The following M1AP variants were observed in gnomAD, a reference collection of about 807,000 sequenced individuals.
M1AP encodes the protein meiosis 1 associated protein.
Under a neutral mutation model 51.2 loss-of-function variants are expected in M1AP, and 39 were observed. The ratio of observed to expected loss-of-function variants is 0.76; its 90% CI spans 0.59 to 1.00. The LOEUF is 1.00. Ranked by LOEUF, M1AP falls within the 50% of genes least tolerant of loss-of-function variation. M1AP has a pLI of 0.00. For missense variants in M1AP, 545 were observed against 641.2 expected, an observed-to-expected ratio of 0.85 and a Z score of 1.62; for synonymous variants, 251 against 249.2, an observed-to-expected ratio of 1.01 and a Z score of -0.07.
At chr2:74,578,224 C>T (rs562729817) in intron 5 of M1AP, among the ~76,000 whole-genome samples, 1 of 152,302 alleles carries the variant, frequency 6.6e-6, no homozygotes, top group African/African-American at 2.4e-5. Context: ...TACCCCAGAC[C>T]AACTGAATCA....
intron 2 of M1AP, among the ~76,000 whole-genome samples, chr2:74,623,202 A>C (rs948033191): frequency 6.6e-6 from 1 of 152,152 alleles, no homozygotes; most frequent in African/African-American, 2.4e-5. Flanking sequence ...GTAATAATTG[A>C]GAGTAAAATA....
chr2:74,576,571 G>A lies in M1AP; in HGVS notation c.817C>T (p.Leu273Phe), dbSNP rs1434360194. ...AAGGAGCCGTCAGCTGTGCCAGCGA[G>A]TAGGGATGGGCAGAGCAGTCGCTCT... Reference protein sequence around the residue: ...LQERLLCPSLLAGTADGSLRM... With the variant: ...LQERLLCPSLFAGTADGSLRM... The change falls in exon 6 of 11, where the codon CTC (leucine) becomes TTC (phenylalanine). Residue 273 changes from leucine (L) to phenylalanine (F), a missense_variant. Coordinates refer to ENST00000421985, the MANE Select transcript of M1AP (RefSeq NM_001321739.2). 2 of 1,614,130 alleles carry A rather than the reference G, an allele frequency of 1.2e-6. No individual in the cohort carries two copies. The highest frequency in any genetic ancestry group is 1.7e-6 in the Non-Finnish European group (2 of 1,179,976).
At chr2:74,576,663 G>T in intron 5 of M1AP, 45 bp from the exon 6 acceptor site, 1 of 1,597,246 alleles carries the variant, frequency 6.3e-7, no homozygotes, top group Non-Finnish European at 8.6e-7. Context: ...ACAATTGGAG[G>T]AAGGATTGTG....
intron 4 of M1AP, among the ~76,000 whole-genome samples, chr2:74,603,744 A>G (rs1183167660): frequency 6.6e-6 from 1 of 152,178 alleles, no homozygotes; most frequent in East Asian, 1.9e-4. Context: ...CCCCTGCCAG[A>G]ACAATGTTAG....
At chr2:74,633,453 T>A (rs1237524030) in intron 2 of M1AP, among the ~76,000 whole-genome samples, 1 of 152,170 alleles carries the variant, frequency 6.6e-6, no homozygotes, top group Non-Finnish European at 1.5e-5. Context: ...TGGCCTGTTT[T>A]CAGCAAGAAT....
chr2:74,640,021 T>C lies in M1AP; in HGVS notation c.240+15A>G, dbSNP rs1206422300. The C allele has an allele frequency of 1.9e-6, 3 of 1,607,550 alleles. No homozygotes were observed. In the South Asian group the frequency reaches 3.3e-5, roughly 18 times the overall value. On this transcript the variant is annotated intron_variant, in intron 2 of 10. Transcript: ENST00000421985. ...TTGCTTTCAGGGTAAAATGAATAAA[T>C]ATAGATATACTTACCACAAAAGGGA...
chr2:74,571,882 G>C (rs1274874376), intron 7 of M1AP, among the ~76,000 whole-genome samples: 2 of 152,012 alleles, frequency 1.3e-5, no homozygotes, highest in East Asian at 1.9e-4. Context: ...TGTAATCCCA[G>C]CTACTCGGGA....
intron 8 of M1AP, among the ~76,000 whole-genome samples, chr2:74,561,142 AAGGAGGAGGAGAAGG>A (rs1573052872): frequency 0.011 from 231 of 21,274 alleles, no homozygotes; most frequent in Non-Finnish European, 0.018. Context: ...GGAGGAGGAG[AAGGAGGAGGAGAAGG>A]AGGAGGAGGA....
At chr2:74,570,854 G>A (rs1366202138) in intron 7 of M1AP, among the ~76,000 whole-genome samples, 2 of 152,184 alleles carry the variant, frequency 1.3e-5, no homozygotes, top group Non-Finnish European at 2.9e-5. Context: ...GGCAGAATCA[G>A]TGCTGAATCA....
intron 4 of M1AP, among the ~76,000 whole-genome samples, chr2:74,594,726 A>C (rs1680231490): frequency 6.6e-6 from 1 of 151,800 alleles, no homozygotes; most frequent in Non-Finnish European, 1.5e-5. Flanking sequence ...AAATTACAAA[A>C]ATTAGCTGGG....
At chr2:74,616,259 C>T (rs868267399) in intron 2 of M1AP, among the ~76,000 whole-genome samples, 1 of 152,108 alleles carries the variant, frequency 6.6e-6, no homozygotes, top group African/African-American at 2.4e-5. Context: ...CAATGTACCC[C>T]CTTATGCATT....
chr2:74,639,116 A>G (rs2104836601), intron 2 of M1AP, among the ~76,000 whole-genome samples: 1 of 152,352 alleles, frequency 6.6e-6, no homozygotes, highest in East Asian at 1.9e-4. Context: ...CAAAGCAACC[A>G]GGGTATGTTC....
rs778437288 is a variant in M1AP, at chr2:74,576,447, G to A, written c.932+9C>T. 1 of 1,613,090 alleles carries A rather than the reference G, an allele frequency of 6.2e-7. No individual in the cohort carries two copies. The highest frequency in any genetic ancestry group is 8.5e-7 in the Non-Finnish European group (1 of 1,179,820). On this transcript the variant is annotated intron_variant, in intron 6 of 10. Transcript: ENST00000421985. The stretch of plus-strand genomic sequence containing the variant: ...TTGCATGGATTGGGGAGGTTCCCTT[G>A]GACCATACTTGATCACTTGGAGCTT...
chr2:74,574,142 C>T (rs2104558479), intron 7 of M1AP, among the ~76,000 whole-genome samples: 1 of 152,354 alleles, frequency 6.6e-6, no homozygotes, highest in Non-Finnish European at 1.5e-5. Context: ...GAAAGAGATG[C>T]ATTGCTGTGC....
intron 2 of M1AP, among the ~76,000 whole-genome samples, chr2:74,626,257 G>GGTT (rs1682384244): frequency 1.6e-5 from 2 of 125,932 alleles, no homozygotes; most frequent in Non-Finnish European, 3.4e-5. Flanking sequence ...CTATATTTCA[G>GGTT]TTTTTTTTTT....
chr2:74,573,343 C>A (rs886724965), intron 7 of M1AP, among the ~76,000 whole-genome samples: 25 of 151,052 alleles, frequency 1.7e-4, no homozygotes, highest in Middle Eastern at 6.9e-3. Flanking sequence ...TATGAGCCAC[C>A]GTGCCCAGCC....
intron 4 of M1AP, among the ~76,000 whole-genome samples, chr2:74,606,662 G>A (rs2104701143): frequency 6.6e-6 from 1 of 152,000 alleles, no homozygotes; most frequent in Non-Finnish European, 1.5e-5. Context: ...AAAGTGATTA[G>A]GGGAGAAAGG....
intron 5 of M1AP, among the ~76,000 whole-genome samples, chr2:74,578,460 C>A (rs1310444354): frequency 1.3e-5 from 2 of 151,794 alleles, no homozygotes; most frequent in Admixed American, 6.6e-5. Flanking sequence ...CCCTGAGACA[C>A]TGGTATTTTT....
intron 8 of M1AP, among the ~76,000 whole-genome samples, chr2:74,561,166 GAGAAGGAGGAGGAGGAGA>G (rs1677945445): frequency 1.7e-5 from 2 of 115,896 alleles, no homozygotes; most frequent in Non-Finnish European, 1.9e-5. Flanking sequence ...GGAGGAGGAG[GAGAAGGAGGAGGAGGAGA>G]AGGAGGAGGA....
Sources: allele counts gnomAD v4.1 joint callset (sites outside exome capture counted in the v4.1 genomes callset), GRCh38; gene constraint gnomAD v4.1.1; transcripts MANE v1.5; gene names NCBI Gene and HGNC (gene_info 2026-07-23, HGNC 2026-07-21).